MTRR: variants seen among roughly 807,000 people sequenced by gnomAD.
MTRR encodes the protein methionine synthase reductase.
In MTRR, 63 loss-of-function variants were observed where a neutral mutation model predicts 79.2. The ratio of observed to expected loss-of-function variants is 0.80; its 90% CI spans 0.65 to 0.98. MTRR has a LOEUF of 0.98. MTRR is among the 50% of genes least tolerant of loss of function. The pLI is 0.00. For missense variants in MTRR, 895 were observed against 839.6 expected (o/e 1.07, Z -0.82); for synonymous variants, 355 against 313.3 (o/e 1.13, Z -1.41).
Position 7,892,747 on chromosome 5 carries a change from G to GA in MTRR, c.1394dup (p.Leu466AlafsTer45). 6.2e-7 allele frequency: 1 copy of GA among 1,614,164 alleles called. No individual in the cohort carries two copies. ...TGCAGCTCAAGTTTATTTCACCCAG[G>GA]AAAGCTCCATTTTGTCTTCAACATT... On this transcript the variant is annotated frameshift_variant, in exon 11 of 15. Coordinates refer to ENST00000440940, the MANE Select transcript of MTRR (RefSeq NM_002454.3). LOFTEE classifies it high-confidence loss of function.
chr5:7,895,637 A>C, intron 11 of MTRR, 97 bp from the exon 12 acceptor site: 1 of 1,492,038 alleles, frequency 6.7e-7, no homozygotes, highest in South Asian at 1.1e-5. Context: ...TTTGATGGGA[A>C]TTTTCCCTTT....
chr5:7,891,285 TG>T, intron 9 of MTRR, 86 bp from the exon 10 acceptor site: 1 of 757,298 alleles, frequency 1.3e-6, no homozygotes, highest in East Asian at 3.0e-5. Context: ...AAATAAGACA[TG>T]GAATTTTTTT....
chr5:7,894,734 T>G (rs1281120402), intron 11 of MTRR, among the ~76,000 whole-genome samples: 1 of 152,254 alleles, frequency 6.6e-6, no homozygotes, highest in Non-Finnish European at 1.5e-5. Flanking sequence ...GGGAAGTCAT[T>G]ACCCATCATT....
upstream of MTRR, chr5:7,866,721 A>G: frequency 6.2e-7 from 1 of 1,613,520 alleles, no homozygotes; most frequent in Non-Finnish European, 8.5e-7. Context: ...TTAAGTGAAC[A>G]TGAATGAAGA....
chr5:7,892,648 C>A, intron 10 of MTRR, 79 bp from the exon 11 acceptor site: 2 of 1,408,948 alleles, frequency 1.4e-6, no homozygotes, highest in Non-Finnish European at 2.0e-6. Context: ...TATTTCTAAA[C>A]TGAATAAAAG....
At chr5:7,888,661 G>A (rs1262598706) in intron 8 of MTRR, among the ~76,000 whole-genome samples, 1 of 152,162 alleles carries the variant, frequency 6.6e-6, no homozygotes, top group Non-Finnish European at 1.5e-5. Context: ...ATCATCTTGA[G>A]CCATGGAATT....
chr5:7,881,314 G>T (rs1735554028), intron 5 of MTRR, among the ~76,000 whole-genome samples: 4 of 151,994 alleles, frequency 2.6e-5, no homozygotes. Context: ...CAGTGCTTTA[G>T]TGGCCGAGTG....
At chr5:7,883,378 G>A in intron 6 of MTRR, 101 bp downstream of exon 6, 1 of 1,486,970 alleles carries the variant, frequency 6.7e-7, no homozygotes. Context: ...GTGCTGCTTG[G>A]TTACATATGC....
chr5:7,869,380 T>C (rs1201072575), intron 1 of MTRR, 165 bp downstream of exon 1: 6 of 680,464 alleles, frequency 8.8e-6, no homozygotes, highest in Non-Finnish European at 1.5e-5. Context: ...GGCTCGGACT[T>C]GGCCTTTGGC....
At chr5:7,868,349 T>C (rs1423594609), upstream of MTRR, among the ~76,000 whole-genome samples, 1 of 152,188 alleles carries the variant, frequency 6.6e-6, no homozygotes, top group African/African-American at 2.4e-5. Context: ...TCTATTAACT[T>C]ACACAGATTC....
upstream of MTRR, chr5:7,867,111 G>A: frequency 6.2e-7 from 1 of 1,614,156 alleles, no homozygotes; most frequent in Non-Finnish European, 8.5e-7. Context: ...TGTGGGACAT[G>A]CCTCACGACA....
At chr5:7,895,873 A>T in intron 12 of MTRR, 21 bp downstream of exon 12, 1 of 1,613,880 alleles carries the variant, frequency 6.2e-7, no homozygotes, top group South Asian at 1.1e-5. Context: ...TTTTTGGCTA[A>T]TGGGAAAATG....
At chr5:7,877,497 G>T (rs1403591849) in intron 4 of MTRR, among the ~76,000 whole-genome samples, 3 of 125,850 alleles carry the variant, frequency 2.4e-5, no homozygotes, top group African/African-American at 6.6e-5. Context: ...CAGTAAATTG[G>T]CTAGGCAAAA....
rs59066192 is a variant in MTRR, at chr5:7,854,719, G to A, written n.391+3134G>A. On this transcript the variant is annotated intron_variant and non_coding_transcript_variant, in intron 1 of 3. Coordinates refer to the MTRR transcript ENST00000502509. ...TCTCCCACAACACATGAGAATTATGGAGATTTGGGTCGGGACGTAGAGCCA... is the reference window on the plus strand; with the variant it reads ...TCTCCCACAACACATGAGAATTATGAAGATTTGGGTCGGGACGTAGAGCCA... Among the ~76,000 whole-genome samples the A allele has an allele frequency of 1.7e-3, 265 of 152,234 alleles. 2 individuals are homozygous for A. The highest frequency in any genetic ancestry group is 6.1e-3 in the African/African-American group (252 of 41,526).
intron 1 of MTRR, among the ~76,000 whole-genome samples, chr5:7,857,961 CTG>C (rs1267805950): frequency 6.6e-6 from 1 of 152,206 alleles, no homozygotes; most frequent in African/African-American, 2.4e-5. Flanking sequence ...AACGCTCGTG[CTG>C]TATTTTTCTT....
At chr5:7,867,303 TATAAAGGGCCACA>T (rs1429979699), upstream of MTRR, 1 of 1,613,686 alleles carries the variant, frequency 6.2e-7, no homozygotes, top group African/African-American at 1.3e-5. Context: ...TGCAAGATTC[TATAAAGGGCCACA>T]ATATCCTCCG....
rs1023392144 is a variant in MTRR at position 7,892,917 on chromosome 5, A to G, written c.1557+4A>G. On this transcript the variant is annotated splice_donor_region_variant and intron_variant, in intron 11 of 14. Transcript: ENST00000440940. ...CGGGAAAGCCCTGGCTCCTAAGGTA[A>G]GAAATTAGTACCTTAACCTCAGCAT... 2 of 1,612,790 alleles carry G rather than the reference A, an allele frequency of 1.2e-6. No individual in the cohort carries two copies. The highest frequency in any genetic ancestry group is 1.7e-6 in the Non-Finnish European group (2 of 1,179,148).
At chr5:7,867,571 T>A, upstream of MTRR, 1 of 1,614,264 alleles carries the variant, frequency 6.2e-7, no homozygotes, top group Non-Finnish European at 8.5e-7. Context: ...TTGACAGCTG[T>A]GAGGGCTCCT....
At chr5:7,899,885 A>G in intron 14 of MTRR, 29 bp from the exon 15 acceptor site, 1 of 1,613,998 alleles carries the variant, frequency 6.2e-7, no homozygotes, top group Non-Finnish European at 8.5e-7. Context: ...CCTGTTTGTA[A>G]GCAGTCATCT....
Sources: gnomAD v4.1 joint callset for allele counts (sites outside exome capture counted in the v4.1 genomes callset) on GRCh38, gnomAD v4.1.1 for gene constraint, MANE v1.5 for transcripts, NCBI Gene and HGNC (gene_info 2026-07-23, HGNC 2026-07-21) for gene names.